CCHCR1: variants seen among roughly 807,000 people sequenced by gnomAD.
CCHCR1 encodes the protein HCR (a-helix coiled-coil rod homologue).
In CCHCR1, 91 loss-of-function variants were observed where a neutral mutation model predicts 114.6. That is an observed-to-expected ratio of 0.79 (90% CI 0.67 to 0.94). The LOEUF (loss-of-function observed/expected upper bound fraction) is 0.94, where lower values mean the gene tolerates loss of function less well. CCHCR1 is among the 40% of genes least tolerant of loss of function. The probability of loss-of-function intolerance (pLI) is 0.00; values close to 1 mark genes in which losing one functional copy is unlikely to be tolerated. For synonymous variants in CCHCR1, 379 were observed against 428.5 expected (o/e 0.88, Z 1.43); for missense variants, 899 against 1,079.9 (o/e 0.83, Z 2.35).
Position 31,156,779 on chromosome 6 carries a change from C to G in CCHCR1, c.449G>C (p.Trp150Ser). ...CCTGTCACTGGAAACATCCCGTTCC[C>G]ACATGGTCACTTGAGGTCTCTGGGT... ...LDTQRPQVTM[W>S]ERDVSSDRQE... The change falls in exon 3 of 18, where the codon TGG becomes TCG. Residue 150 changes from tryptophan (W) to serine (S), a missense_variant. Trp to Ser is a radical substitution (Grantham distance 177, BLOSUM62 -3). Coordinates refer to ENST00000396268, the MANE Select transcript of CCHCR1 (RefSeq NM_001105564.2). 1.9e-6 allele frequency: 3 copies of G among 1,612,916 alleles called. No individual in the cohort carries two copies. The highest frequency in any genetic ancestry group is 2.5e-6 in the Non-Finnish European group (3 of 1,180,008).
Position 31,145,234 on chromosome 6 carries a change from C to T in CCHCR1, c.1808G>A (p.Arg603His), listed in dbSNP as rs748632015. Residue 603 changes from arginine (R) to histidine (H), a missense_variant, in exon 13 of 18, where the codon CGC becomes CAC. By Grantham distance (29) the Arg-to-His change is conservative. Transcript: ENST00000396268. Reference sequence around the variant, plus strand: ...ACTCAGCTGCAGTTCTGCATCCAGGCGGTTCCGTTCTTCCCGCAACTGCTG... The same window carrying T: ...ACTCAGCTGCAGTTCTGCATCCAGGTGGTTCCGTTCTTCCCGCAACTGCTG... Reference protein sequence around the residue: ...ELQQLREERNRLDAELQLSAR... With the variant: ...ELQQLREERNHLDAELQLSAR... The T allele has an allele frequency of 1.9e-6, 3 of 1,613,422 alleles. No homozygotes were observed. The highest frequency in any genetic ancestry group is 2.7e-5 in the African/African-American group (2 of 74,914).
In CCHCR1 at chr6:31,150,529, CG is replaced by C. The variant is rs750981086; in HGVS notation, c.1137del (p.Ala380ArgfsTer22). On this transcript the variant is annotated frameshift_variant, in exon 7 of 18. Transcript: ENST00000396268. LOFTEE classifies it high-confidence loss of function. The surrounding 1 kb of genome is among the most constrained non-coding windows in gnomAD (Gnocchi z 5.3). ...TGCACCCGCACCTGCAGCAGCTCCG[CG>C]GTGGCATGCAGGCTGTCCCGGTCCT... ...LQEDRDSLHA[T>X]AELLQVRVQS... 2 of 1,612,362 alleles carry C rather than the reference CG, an allele frequency of 1.2e-6. No individual in the cohort carries two copies. The highest frequency in any genetic ancestry group is 2.2e-5 in the South Asian group (2 of 91,050).
Position 31,150,957 on chromosome 6 carries a change from A to C in CCHCR1, c.965+2T>G. On this transcript the variant is annotated splice_donor_variant, in intron 5 of 17. Coordinates refer to ENST00000396268, the MANE Select transcript of CCHCR1 (RefSeq NM_001105564.2). LOFTEE classifies it high-confidence loss of function. This position sits in a 1 kb window ranked among gnomAD's most constrained non-coding sequence, Gnocchi z 5.3. Reference sequence around the variant, plus strand: ...GGCTCCCGTCGGCGTCCGCCCACCTACCTCAGCTGCTTCCGAAGCAGCTCG... The same window carrying C: ...GGCTCCCGTCGGCGTCCGCCCACCTCCCTCAGCTGCTTCCGAAGCAGCTCG... The C allele has an allele frequency of 6.2e-7, 1 of 1,612,460 alleles. No homozygotes were observed. Among genetic ancestry groups the C allele is most frequent in the Non-Finnish European group, 8.5e-7 (1 of 1,179,834 alleles).
At position 31,144,204 on chromosome 6, in the gene CCHCR1, C is replaced by T. The variant is rs1773967088; in HGVS notation, c.2167+483G>A. Reference sequence around the variant, plus strand: ...GAGAAGATACATTCATTACACAATTCTTTTTTTGACACATGGTCTTTCTCT... The same window carrying T: ...GAGAAGATACATTCATTACACAATTTTTTTTTTGACACATGGTCTTTCTCT... On this transcript the variant is annotated intron_variant, in intron 15 of 17. Coordinates refer to ENST00000396268, the MANE Select transcript of CCHCR1 (RefSeq NM_001105564.2). This position sits in a 1 kb window ranked among gnomAD's most constrained non-coding sequence, Gnocchi z 4.6. 6.6e-6 allele frequency among the ~76,000 whole-genome samples: 1 copy of T among 152,040 alleles called. No individual in the cohort carries two copies. The highest frequency in any genetic ancestry group is 1.5e-5 in the Non-Finnish European group (1 of 68,002).
chr6:31,151,191 C>A lies in CCHCR1; in HGVS notation c.802-69G>T. The A allele has an allele frequency of 4.6e-6, 7 of 1,507,294 alleles. No individual in the cohort carries two copies. The highest frequency in any genetic ancestry group is 6.3e-6 in the Non-Finnish European group (7 of 1,119,064). 93.4% of individuals were successfully genotyped at this position (1,507,294 alleles called of 1,614,324 possible). On this transcript the variant is annotated intron_variant, in intron 4 of 17. Transcript: ENST00000396268. The surrounding 1 kb of genome is among the most constrained non-coding windows in gnomAD (Gnocchi z 4.1). ...GGAGGCCTTCCTTGTTCCCTTCACT[C>A]CCACTTTCTGTGACCTTAGAGAATG...
At position 31,142,697 on chromosome 6, in the gene CCHCR1, G is replaced by T; in HGVS notation, c.2511C>A (p.Leu837=). The T allele has an allele frequency of 6.2e-7, 1 of 1,611,742 alleles. No individual in the cohort carries two copies. The highest frequency in any genetic ancestry group is 1.1e-5 in the South Asian group (1 of 91,080). ...CTTCACTCAGGTCCTGCAGGTCATC[G>T]AGCAGGACAGAGAGGGACCCTGGGA... ...ESIKGSLSVL[L]DDLQDLSEAI... The change falls in exon 18 of 18, where the codon CTC becomes CTA. Residue 837 remains leucine, a synonymous_variant. Coordinates refer to ENST00000396268, the MANE Select transcript of CCHCR1 (RefSeq NM_001105564.2).
chr6:31,145,847 C>A, intron 10 of CCHCR1, 39 bp from the exon 11 acceptor site: 2 of 1,274,354 alleles, frequency 1.6e-6, no homozygotes, highest in Non-Finnish European at 2.3e-6. Flanking sequence ...CATGCCTCCC[C>A]TCATTCCCAA....
At chr6:31,157,948 C>A, upstream of CCHCR1, 1 of 345,644 alleles carries the variant, frequency 2.9e-6, no homozygotes, top group Non-Finnish European at 5.4e-6. Flanking sequence ...CCTGCCCTCG[C>A]CCCCTGTACG....
rs1372275971 is a variant in CCHCR1 at position 31,150,298 on chromosome 6, T to A, written c.1213-83A>T. 6.7e-6 allele frequency: 10 copies of A among 1,498,800 alleles called. No homozygotes were observed. Among genetic ancestry groups the A allele is most frequent in the Non-Finnish European group, 8.3e-6 (9 of 1,087,890 alleles). 92.8% of individuals were successfully genotyped at this position (1,498,800 alleles called of 1,614,324 possible). On this transcript the variant is annotated intron_variant, in intron 7 of 17. Coordinates refer to ENST00000396268, the MANE Select transcript of CCHCR1 (RefSeq NM_001105564.2). The surrounding 1 kb of genome is among the most constrained non-coding windows in gnomAD (Gnocchi z 5.3). ...TGGCATCTTTGTTTCTCCTCTGTCC[T>A]GCCTGGGCAACATGAGCTACAGCAA...
At position 31,150,972 on chromosome 6, in the gene CCHCR1, G is replaced by A. The variant is rs774674896; in HGVS notation, c.952C>T (p.Arg318Trp). The A allele has an allele frequency of 5.8e-5, 94 of 1,612,652 alleles. 1 individual carries two copies. The East Asian group carries it at 6.5e-4, about 11-fold the overall frequency. Reference sequence around the variant, plus strand: ...CCGCCCACCTACCTCAGCTGCTTCCGAAGCAGCTCGGCCTCCCTCTGAGCC... The same window carrying A: ...CCGCCCACCTACCTCAGCTGCTTCCAAAGCAGCTCGGCCTCCCTCTGAGCC... Reference protein sequence around the residue: ...AEAQREAELLRKQLSKTQEDL... With the variant: ...AEAQREAELLWKQLSKTQEDL... Residue 318 changes from arginine to tryptophan, a missense_variant, in exon 5 of 18, where the codon CGG becomes TGG. Arg to Trp is a moderately radical substitution (Grantham distance 101). Transcript: ENST00000396268. The surrounding 1 kb of genome is among the most constrained non-coding windows in gnomAD (Gnocchi z 5.3).
rs1775691552 is a variant in CCHCR1 at position 31,154,405 on chromosome 6, G to A, written c.801+91C>T. The A allele has an allele frequency of 1.0e-6, 1 of 952,552 alleles. No homozygotes were observed. Among genetic ancestry groups the A allele is most frequent in the African/African-American group, 1.6e-5 (1 of 61,678 alleles). The allele number at this position is 952,552 out of a possible 1,614,324, so 59.0% of individuals were successfully genotyped here. On this transcript the variant is annotated intron_variant, in intron 4 of 17. Transcript: ENST00000396268. This position sits in a 1 kb window ranked among gnomAD's most constrained non-coding sequence, Gnocchi z 4.1. ...ATCACTCTACTACTCACTACTCATG[G>A]AGGGTCTTTTCTGCAATACCTGTTC...
Position 31,143,536 on chromosome 6 carries a change from T to C in CCHCR1, c.2168-123A>G. On this transcript the variant is annotated intron_variant, in intron 15 of 17. Coordinates refer to ENST00000396268, the MANE Select transcript of CCHCR1 (RefSeq NM_001105564.2). This position sits in a 1 kb window ranked among gnomAD's most constrained non-coding sequence, Gnocchi z 5.3. ...GTGGCTTGGGGAGGCTGTTCTGCTCTGTGGATCTGTCTCTTCTGTACAGTT... is the reference window on the plus strand; with the variant it reads ...GTGGCTTGGGGAGGCTGTTCTGCTCCGTGGATCTGTCTCTTCTGTACAGTT... The C allele has an allele frequency of 1.0e-6, 1 of 1,003,246 alleles. No homozygotes were observed. Among genetic ancestry groups the C allele is most frequent in the East Asian group, 2.5e-5 (1 of 39,740 alleles). The allele number at this position is 1,003,246 out of a possible 1,614,324, so 62.1% of individuals were successfully genotyped here. A position where few individuals can be genotyped will look rare whatever the true frequency, so the allele number is the denominator to read the frequency against.
rs887471186 is a variant in CCHCR1, at chr6:31,143,582, T to A, written c.2168-169A>T. Among the ~76,000 whole-genome samples the A allele has an allele frequency of 6.6e-6, 1 of 152,194 alleles. No homozygotes were observed. Among genetic ancestry groups the A allele is most frequent in the African/African-American group, 2.4e-5 (1 of 41,456 alleles). On this transcript the variant is annotated intron_variant, in intron 15 of 17. Coordinates refer to ENST00000396268, the MANE Select transcript of CCHCR1 (RefSeq NM_001105564.2). This position sits in a 1 kb window ranked among gnomAD's most constrained non-coding sequence, Gnocchi z 5.3. Reference sequence around the variant, plus strand: ...CAGTTGGAGGGGTGGGCTGATGCTCTAGGAGCCTGGGAATCTGAACCTAAG... The same window carrying A: ...CAGTTGGAGGGGTGGGCTGATGCTCAAGGAGCCTGGGAATCTGAACCTAAG...
At position 31,150,228 on chromosome 6, in the gene CCHCR1, G is replaced by A. The variant is rs750143819; in HGVS notation, c.1213-13C>T. The A allele has an allele frequency of 4.3e-5, 69 of 1,613,772 alleles. No homozygotes were observed. Among genetic ancestry groups the A allele is most frequent in the Non-Finnish European group, 5.8e-5 (68 of 1,179,790 alleles). ...CTGAAGGTTGAACCTGAGGGAGAAG[G>A]AGTGGGAGAAAAGTGTGGGCTCCTG... On this transcript the variant is annotated splice_polypyrimidine_tract_variant and intron_variant, in intron 7 of 17. Transcript: ENST00000396268. This position sits in a 1 kb window ranked among gnomAD's most constrained non-coding sequence, Gnocchi z 5.3.
chr6:31,142,762 C>T (rs2150986752), intron 17 of CCHCR1, 46 bp from the exon 18 acceptor site: 5 of 1,587,890 alleles, frequency 3.1e-6, no homozygotes, highest in East Asian at 2.3e-5. Context: ...GGAAGGTGCT[C>T]GTGGTTACAG....
intron 3 of CCHCR1, among the ~76,000 whole-genome samples, chr6:31,155,771 A>G (rs1166356209): frequency 6.6e-6 from 1 of 152,090 alleles, no homozygotes; most frequent in Non-Finnish European, 1.5e-5. Context: ...ACCCAGGACT[A>G]TAAGAGATTG....
chr6:31,147,017 G>A (rs1364594090), intron 10 of CCHCR1, among the ~76,000 whole-genome samples: 3 of 152,084 alleles, frequency 2.0e-5, no homozygotes, highest in Admixed American at 6.6e-5. Flanking sequence ...TCTTAATTTC[G>A]CTAAACCAAA....
chr6:31,154,909 G>C lies in CCHCR1; in HGVS notation c.498-110C>G, dbSNP rs1362797844. On this transcript the variant is annotated intron_variant, in intron 3 of 17. Coordinates refer to ENST00000396268, the MANE Select transcript of CCHCR1 (RefSeq NM_001105564.2). This position sits in a 1 kb window ranked among gnomAD's most constrained non-coding sequence, Gnocchi z 4.1. ...AAGAGGACCCCTCTGCTTCCGTGTG[G>C]GGAGGTGAAGGGGGTGCTGAAGCTG... 7.1e-6 allele frequency: 7 copies of C among 985,366 alleles called. No individual in the cohort carries two copies. The highest frequency in any genetic ancestry group is 1.0e-5 in the Non-Finnish European group (7 of 688,572). The allele number at this position is 985,366 out of a possible 1,614,324, so 61.0% of individuals were successfully genotyped here.
At position 31,150,724 on chromosome 6, in the gene CCHCR1, C is replaced by T. The variant is rs765782230; in HGVS notation, c.1101+1G>A. 25 of 1,612,050 alleles carry T rather than the reference C, an allele frequency of 1.6e-5. No individual in the cohort carries two copies. Among genetic ancestry groups the T allele is most frequent in the Non-Finnish European group, 1.9e-5 (22 of 1,179,490 alleles). ...ACACAGATACATTCCTGCACCCTCACCTGCATGGTTTCCAGAAGCTTCTGT... is the reference window on the plus strand; with the variant it reads ...ACACAGATACATTCCTGCACCCTCATCTGCATGGTTTCCAGAAGCTTCTGT... On this transcript the variant is annotated splice_donor_variant, in intron 6 of 17. Coordinates refer to ENST00000396268, the MANE Select transcript of CCHCR1 (RefSeq NM_001105564.2). LOFTEE classifies it high-confidence loss of function. This position sits in a 1 kb window ranked among gnomAD's most constrained non-coding sequence, Gnocchi z 5.3.
Sources: allele counts gnomAD v4.1 joint callset (sites outside exome capture counted in the v4.1 genomes callset), GRCh38; gene constraint gnomAD v4.1.1; non-coding constraint Gnocchi (gnomAD v3.1); transcripts MANE v1.5; gene names NCBI Gene and HGNC (gene_info 2026-07-23, HGNC 2026-07-21).